The following TFDP2 variants were observed in gnomAD, a reference collection of about 807,000 sequenced individuals.
TFDP2 encodes transcription factor Dp-2 (E2F dimerization partner 2).
TFDP2 carries 17 observed loss-of-function variants against 59.3 expected under a neutral mutation model. That is an observed-to-expected ratio of 0.29 (90% CI 0.20 to 0.43). The LOEUF (loss-of-function observed/expected upper bound fraction) is 0.43, where lower values mean the gene tolerates loss of function less well. TFDP2 is among the 20% of genes least tolerant of loss of function. The pLI, the probability that TFDP2 is intolerant of heterozygous loss-of-function variation, is 1.00. For missense variants in TFDP2, 391 were observed against 528.8 expected (o/e 0.74, Z 2.56); for synonymous variants, 180 against 194.7 (o/e 0.92, Z 0.63).
At chr3:142,010,722 T>A (rs1216444534) in intron 3 of TFDP2, among the ~76,000 whole-genome samples, 3 of 145,744 alleles carry the variant, frequency 2.1e-5, no homozygotes, top group Non-Finnish European at 3.0e-5. Flanking sequence ...GAATCTACAA[T>A]GAACTCAAAC....
intron 7 of TFDP2, among the ~76,000 whole-genome samples, chr3:141,977,714 T>A (rs1045438161): frequency 2.3e-5 from 3 of 129,498 alleles, no homozygotes; most frequent in Non-Finnish European, 5.6e-5. Flanking sequence ...GGCGACCAAT[T>A]TTTTTTTTCT....
chr3:141,955,246 G>A (rs1936455117), intron 11 of TFDP2, among the ~76,000 whole-genome samples: 1 of 152,076 alleles, frequency 6.6e-6, no homozygotes, highest in Non-Finnish European at 1.5e-5. Context: ...CTCCCACCCA[G>A]GCCATTCTGC....
At position 141,978,526 on chromosome 3, in the gene TFDP2, A is replaced by G. The variant is rs758177708; in HGVS notation, c.513T>C (p.Ala171=). 3.4e-5 allele frequency: 54 copies of G among 1,607,938 alleles called. No homozygotes were observed. The highest frequency in any genetic ancestry group is 4.6e-5 in the Non-Finnish European group (54 of 1,178,366). ...EFTNSNNHLA[A]DSAYDQKNIR... ...AGGTTCATGATTTACATACCGAATC[A>G]GCAGCCAAATGGTTATTTGAATTGG... The change falls in exon 7 of 13, where the codon GCT becomes GCC. Residue 171 remains alanine (A), a synonymous_variant. Transcript: ENST00000489671.
chr3:142,022,711 G>A (rs1377073981), intron 3 of TFDP2, among the ~76,000 whole-genome samples: 2 of 152,184 alleles, frequency 1.3e-5, no homozygotes, highest in Admixed American at 6.5e-5. Context: ...CTCACAGTCC[G>A]AGAGGGTAGC....
At chr3:142,084,748 T>C (rs901055119) in intron 3 of TFDP2, among the ~76,000 whole-genome samples, 1 of 152,084 alleles carries the variant, frequency 6.6e-6, no homozygotes, top group Non-Finnish European at 1.5e-5. Context: ...ATGTTCTTAC[T>C]TATTTGTGGG....
At chr3:141,973,818 T>C (rs1940204588) in intron 8 of TFDP2, among the ~76,000 whole-genome samples, 1 of 151,360 alleles carries the variant, frequency 6.6e-6, no homozygotes, top group Admixed American at 6.6e-5. Flanking sequence ...AACAGTAAAA[T>C]CAAATTGTTA....
chr3:142,013,990 T>A (rs535865982), intron 3 of TFDP2, among the ~76,000 whole-genome samples: 44 of 152,306 alleles, frequency 2.9e-4, no homozygotes, highest in Non-Finnish European at 8.8e-5. Flanking sequence ...CTACATCACA[T>A]CCTCCTACAA....
chr3:141,992,745 A>T (rs1383638580), intron 6 of TFDP2, among the ~76,000 whole-genome samples: 1 of 152,210 alleles, frequency 6.6e-6, no homozygotes, highest in Non-Finnish European at 1.5e-5. Context: ...CACATCCTTT[A>T]TACATATTCC....
intron 7 of TFDP2, among the ~76,000 whole-genome samples, chr3:141,975,810 G>C (rs1349499227): frequency 2.0e-5 from 3 of 152,088 alleles, no homozygotes; most frequent in Non-Finnish European, 2.9e-5. Context: ...TATTGGAAGG[G>C]ATATGGATGT....
chr3:142,023,471 G>A (rs551407735), intron 3 of TFDP2, among the ~76,000 whole-genome samples: 3 of 152,048 alleles, frequency 2.0e-5, no homozygotes, highest in Admixed American at 6.5e-5. Flanking sequence ...GATTACAGGC[G>A]TGAACCACCA....
At chr3:142,034,244 C>A (rs981649112) in intron 3 of TFDP2, among the ~76,000 whole-genome samples, 1 of 151,820 alleles carries the variant, frequency 6.6e-6, no homozygotes, top group African/African-American at 2.4e-5. Flanking sequence ...TACAGGCATG[C>A]GCCACCACGC....
intron 1 of TFDP2, among the ~76,000 whole-genome samples, chr3:142,128,062 G>A (rs1014646591): frequency 6.6e-6 from 1 of 152,100 alleles, no homozygotes; most frequent in Non-Finnish European, 1.5e-5. Flanking sequence ...AAGGCAGAGT[G>A]TAGCGGCACA....
intron 3 of TFDP2, among the ~76,000 whole-genome samples, chr3:142,022,986 G>A (rs1945737598): frequency 6.6e-6 from 1 of 151,350 alleles, no homozygotes; most frequent in Admixed American, 6.6e-5. Flanking sequence ...CGGGCGCAGT[G>A]GCATGCGCCC....
At chr3:142,013,070 G>A (rs1944847438) in intron 3 of TFDP2, among the ~76,000 whole-genome samples, 1 of 152,160 alleles carries the variant, frequency 6.6e-6, no homozygotes, top group African/African-American at 2.4e-5. Context: ...CCGGGAGGCG[G>A]AGGTTGCCAT....
At chr3:142,079,510 A>C (rs1250316799) in intron 3 of TFDP2, among the ~76,000 whole-genome samples, 1 of 152,184 alleles carries the variant, frequency 6.6e-6, no homozygotes, top group African/African-American at 2.4e-5. Context: ...TCCCAAACCT[A>C]GAGAGAGATA....
At chr3:142,084,695 TA>T (rs2060750649) in intron 3 of TFDP2, among the ~76,000 whole-genome samples, 2 of 152,094 alleles carry the variant, frequency 1.3e-5, no homozygotes, top group Non-Finnish European at 2.9e-5. Flanking sequence ...CAGAGGTCAT[TA>T]TGTTAAGTGA....
At chr3:141,993,620 A>T (rs745585148) in intron 5 of TFDP2, 35 bp from the exon 6 acceptor site, 1 of 1,225,236 alleles carries the variant, frequency 8.2e-7, no homozygotes, top group South Asian at 1.4e-5. Context: ...AAAACAATAC[A>T]TACTTAAATA....
At chr3:142,071,868 G>T (rs1352467235) in intron 3 of TFDP2, among the ~76,000 whole-genome samples, 1 of 152,178 alleles carries the variant, frequency 6.6e-6, no homozygotes. Flanking sequence ...AGTCTGAGGT[G>T]CATTAAAGTT....
intron 3 of TFDP2, among the ~76,000 whole-genome samples, chr3:142,081,980 G>A (rs2060653255): frequency 6.6e-6 from 1 of 152,180 alleles, no homozygotes; most frequent in South Asian, 2.1e-4. Flanking sequence ...GCCACAGACT[G>A]GTACTGGTCC....
Sources: gnomAD v4.1 joint callset for allele counts (sites outside exome capture counted in the v4.1 genomes callset) on GRCh38, gnomAD v4.1.1 for gene constraint, MANE v1.5 for transcripts, NCBI Gene and HGNC (gene_info 2026-07-23, HGNC 2026-07-21) for gene names.